Variants in ST3GAL3 observed in about 807,000 individuals in gnomAD.
ST3GAL3 encodes ST3 beta-galactoside alpha-2,3-sialyltransferase 3.
ST3GAL3 carries 21 observed loss-of-function variants against 50.1 expected under a neutral mutation model. The observed-to-expected ratio is 0.42, with a 90% confidence interval of 0.30 to 0.60. The LOEUF is 0.60. Ranked by LOEUF, ST3GAL3 falls within the 20% of genes least tolerant of loss-of-function variation. ST3GAL3 has a pLI of 0.19. For missense variants in ST3GAL3, 353 were observed against 489.4 expected (o/e 0.72, Z 2.63); for synonymous variants, 183 against 190.0 (o/e 0.96, Z 0.30).
chr1:43,923,128 C>T (rs1237698603), intron 11 of ST3GAL3, among the ~76,000 whole-genome samples: 4 of 151,588 alleles, frequency 2.6e-5, no homozygotes, highest in Non-Finnish European at 5.9e-5. Flanking sequence ...TGTCTGGGAG[C>T]GCTGGTGTGC....
chr1:43,922,501 CAAAAAAGAAA>C (rs1189236164), intron 11 of ST3GAL3: 1 of 149,292 alleles, frequency 6.7e-6, no homozygotes, highest in Non-Finnish European at 1.5e-5. Flanking sequence ...GACTCCGTCT[CAAAAAAGAAA>C]AATAGGAGGC....
At chr1:43,719,934 G>GAAAAAAAAA (rs148364295) in intron 1 of ST3GAL3, among the ~76,000 whole-genome samples, 16 of 41,728 alleles carry the variant, frequency 3.8e-4, no homozygotes, top group African/African-American at 1.1e-3. Flanking sequence ...CTCTGTCTCA[G>GAAAAAAAAA]AAAAAAAAAA....
intron 9 of ST3GAL3, among the ~76,000 whole-genome samples, chr1:43,907,954 ACT>A (rs1236494224): frequency 6.6e-6 from 1 of 151,858 alleles, no homozygotes; most frequent in Non-Finnish European, 1.5e-5. Flanking sequence ...TTCCAAAGCC[ACT>A]CTCACCTGGC....
intron 5 of ST3GAL3, among the ~76,000 whole-genome samples, chr1:43,886,839 C>G (rs531500165): frequency 6.6e-6 from 1 of 151,980 alleles, no homozygotes; most frequent in Admixed American, 6.6e-5. Flanking sequence ...GACGCTTTGT[C>G]GAATTTGTTT....
chr1:43,739,241 G>T (rs1209386192), intron 2 of ST3GAL3: 3 of 152,152 alleles, frequency 2.0e-5, no homozygotes, highest in Non-Finnish European at 4.4e-5. Flanking sequence ...TTTTGTTTTT[G>T]GCACAGGGTC....
At chr1:43,924,451 C>A (rs953874923) in intron 11 of ST3GAL3, among the ~76,000 whole-genome samples, 1 of 152,218 alleles carries the variant, frequency 6.6e-6, no homozygotes, top group Non-Finnish European at 1.5e-5. Flanking sequence ...GAGCCATAGA[C>A]GTGGGCGATG....
intron 6 of ST3GAL3, among the ~76,000 whole-genome samples, chr1:43,895,605 A>G (rs1052673394): frequency 6.6e-5 from 10 of 152,152 alleles, no homozygotes; most frequent in African/African-American, 2.4e-4. Context: ...GGGTGATATC[A>G]TTTGGCCAGG....
intron 9 of ST3GAL3, among the ~76,000 whole-genome samples, chr1:43,915,770 T>C (rs1571384491): frequency 6.6e-6 from 1 of 152,326 alleles, no homozygotes; most frequent in South Asian, 2.1e-4. Context: ...GCTCAGCTCT[T>C]CTTTAGGCAG....
Position 43,800,089 on chromosome 1 carries a change from G to A in ST3GAL3, c.166+7940G>A, listed in dbSNP as rs569144143. On this transcript the variant is annotated intron_variant, in intron 3 of 11. Transcript: ENST00000347631. ...GCTCCCTTGGCCCCCAGTATGCCAC[G>A]TTGGAGAAGAGCTGTGCTGTGCTCA... Among the ~76,000 whole-genome samples the A allele has an allele frequency of 5.9e-5, 9 of 152,150 alleles. No individual in the cohort carries two copies. In the East Asian group the frequency reaches 7.7e-4, roughly 13 times the overall value.
At chr1:43,752,565 A>G (rs1463634953) in intron 2 of ST3GAL3, among the ~76,000 whole-genome samples, 1 of 152,210 alleles carries the variant, frequency 6.6e-6, no homozygotes, top group East Asian at 1.9e-4. Context: ...CAGTGGCACA[A>G]TCACGGCTCA....
chr1:43,755,495 T>C (rs578189928), intron 2 of ST3GAL3, among the ~76,000 whole-genome samples: 3 of 152,322 alleles, frequency 2.0e-5, no homozygotes, highest in Non-Finnish European at 2.9e-5. Context: ...AGCAAGTCTT[T>C]TATTTATATT....
At chr1:43,733,986 T>C (rs939475503) in intron 1 of ST3GAL3, among the ~76,000 whole-genome samples, 1 of 152,102 alleles carries the variant, frequency 6.6e-6, no homozygotes, top group African/African-American at 2.4e-5. Flanking sequence ...GGCGCGTGCC[T>C]GTAATCCCAG....
intron 5 of ST3GAL3, among the ~76,000 whole-genome samples, chr1:43,876,653 G>A (rs553474067): frequency 6.6e-6 from 1 of 152,318 alleles, no homozygotes; most frequent in South Asian, 2.1e-4. Context: ...CTATGGCCTG[G>A]AAAGGTGTCA....
intron 4 of ST3GAL3, among the ~76,000 whole-genome samples, chr1:43,823,127 C>T (rs1356661585): frequency 6.6e-6 from 1 of 152,086 alleles, no homozygotes; most frequent in Non-Finnish European, 1.5e-5. Context: ...TTTTTGCACT[C>T]CTAACTAGTC....
chr1:43,711,381 C>A (rs1664698703), intron 1 of ST3GAL3, among the ~76,000 whole-genome samples: 1 of 152,278 alleles, frequency 6.6e-6, no homozygotes, highest in African/African-American at 2.4e-5. Context: ...ATGCCACTTT[C>A]ATTCACATTT....
intron 4 of ST3GAL3, among the ~76,000 whole-genome samples, chr1:43,822,490 T>C (rs2062235577): frequency 6.6e-6 from 1 of 152,128 alleles, no homozygotes; most frequent in Admixed American, 6.5e-5. Context: ...GACACAAAAA[T>C]ATGAAAATGA....
chr1:43,749,967 TA>T (rs1479751184), intron 2 of ST3GAL3, among the ~76,000 whole-genome samples: 1 of 152,244 alleles, frequency 6.6e-6, no homozygotes, highest in Non-Finnish European at 1.5e-5. Context: ...CCAAACCTGC[TA>T]ATGTTTTGAT....
Position 43,783,999 on chromosome 1 carries a change from A to G in ST3GAL3, c.119-8103A>G, listed in dbSNP as rs1007651811. Among the ~76,000 whole-genome samples, 8 of 152,166 alleles carry G rather than the reference A, an allele frequency of 5.3e-5. No individual in the cohort carries two copies. The East Asian group carries it at 1.2e-3, about 22-fold the overall frequency. On this transcript the variant is annotated intron_variant, in intron 2 of 11. Coordinates refer to ENST00000347631, the MANE Select transcript of ST3GAL3 (RefSeq NM_006279.5). ...TATGGACTGGTTCCCTTTCAGTCAC[A>G]TGCATTTTTACCTCCTGAAAGAAAC...
At chr1:43,715,955 C>G (rs912405088) in intron 1 of ST3GAL3, among the ~76,000 whole-genome samples, 11 of 152,144 alleles carry the variant, frequency 7.2e-5, no homozygotes, top group African/African-American at 2.7e-4. Context: ...AACTCATGGA[C>G]CCCCTAAAAG....
Sources: gnomAD v4.1 joint callset for allele counts (sites outside exome capture counted in the v4.1 genomes callset) on GRCh38, gnomAD v4.1.1 for gene constraint, MANE v1.5 for transcripts, NCBI Gene and HGNC (gene_info 2026-07-23, HGNC 2026-07-21) for gene names.